TEK: variants seen among roughly 807,000 people sequenced by gnomAD.
TEK encodes the protein TEK receptor tyrosine kinase.
A neutral mutation model predicts 131.8 loss-of-function variants in TEK; 43 were observed. That is an observed-to-expected ratio of 0.33 (90% confidence interval 0.26 to 0.42). TEK has a LOEUF of 0.42. TEK is among the 10% of genes least tolerant of loss of function. The probability of loss-of-function intolerance (pLI) is 1.00; values close to 1 mark genes in which losing one functional copy is unlikely to be tolerated. For missense variants in TEK, 1,162 were observed against 1,384.4 expected (o/e 0.84, Z 2.55); for synonymous variants, 580 against 491.6 (o/e 1.18, Z -2.38).
At chr9:27,168,353 T>A (rs371417352) in intron 2 of TEK, 142 bp from the exon 3 acceptor site, 31 of 692,016 alleles carry the variant, frequency 4.5e-5, no homozygotes, top group East Asian at 3.8e-4. Flanking sequence ...TAAAACGCAT[T>A]AGCCACCACT....
chr9:27,190,540 C>A lies in TEK; in HGVS notation c.1339C>A (p.Pro447Thr). Residue 447 changes from proline to threonine, a missense_variant, in exon 10 of 23, where the codon CCC becomes ACC. This residue lies in a region of TEK where 477 missense variants were observed against 471.0 expected (regional missense o/e 1.01). Coordinates refer to ENST00000380036, the MANE Select transcript of TEK (RefSeq NM_000459.5). ...FNISVKVLPK[P>T]LNAPNVIDTG... Reference sequence around the variant, plus strand: ...GAAATTGTATTTAGTTCTTCCAAAGCCCCTGAATGCCCCAAACGTGATTGA... The same window carrying A: ...GAAATTGTATTTAGTTCTTCCAAAGACCCTGAATGCCCCAAACGTGATTGA... The A allele has an allele frequency of 1.2e-6, 2 of 1,613,994 alleles. No homozygotes were observed. The highest frequency in any genetic ancestry group is 1.7e-6 in the Non-Finnish European group (2 of 1,179,900).
chr9:27,175,623 A>T (rs940282512), intron 6 of TEK, among the ~76,000 whole-genome samples: 8 of 151,728 alleles, frequency 5.3e-5, no homozygotes, highest in Non-Finnish European at 7.4e-5. Context: ...AAGTGTTCCT[A>T]TTTCTCCACA....
intron 1 of TEK, among the ~76,000 whole-genome samples, chr9:27,131,067 G>A (rs1347704540): frequency 1.3e-5 from 2 of 152,130 alleles, no homozygotes; most frequent in South Asian, 2.1e-4. Context: ...TCAAACTAGC[G>A]AAGATTAAAA....
intron 21 of TEK, among the ~76,000 whole-genome samples, chr9:27,222,363 C>G (rs891627902): frequency 1.3e-5 from 2 of 152,094 alleles, no homozygotes; most frequent in African/African-American, 4.8e-5. Flanking sequence ...ATACAGAGAC[C>G]ACCCCAAAGA....
rs139528007 is a variant in TEK, at chr9:27,190,397, C to A, written c.1328-132C>A. On this transcript the variant is annotated intron_variant, in intron 9 of 22. Coordinates refer to ENST00000380036, the MANE Select transcript of TEK (RefSeq NM_000459.5). ...GCAGAGAGCTTAGAGAGCAGGTGAT[C>A]TCACTGAGTCTGAGCAGAAAACTTT... 1.1e-3 allele frequency: 1,095 copies of A among 1,034,752 alleles called. 11 individuals are homozygous for A. In the African/African-American group the frequency reaches 0.015, roughly 15 times the overall value. The allele number at this position is 1,034,752 out of a possible 1,614,324, so 64.1% of individuals were successfully genotyped here.
chr9:27,147,865 G>C (rs1822983725), intron 1 of TEK, among the ~76,000 whole-genome samples: 1 of 152,212 alleles, frequency 6.6e-6, no homozygotes, highest in Non-Finnish European at 1.5e-5. Flanking sequence ...TTTGACGTGA[G>C]ATGGTGTAAT....
Position 27,185,511 on chromosome 9 carries a change from T to C in TEK, c.1209T>C (p.His403=), listed in dbSNP as rs767801474. ...LHPKDFNHTD[H]FSVAIFTIHR... ...CAAAAGACTTTAACCATACGGATCA[T>C]TTCTCAGTAGCCATATTCACCATCC... Residue 403 remains histidine (H), a synonymous_variant, in exon 9 of 23, where the codon CAT becomes CAC. Transcript: ENST00000380036. 1 of 1,613,714 alleles carries C rather than the reference T, an allele frequency of 6.2e-7. No individual in the cohort carries two copies. The highest frequency in any genetic ancestry group is 8.5e-7 in the Non-Finnish European group (1 of 1,179,756).
Position 27,185,008 on chromosome 9 carries a change from C to G in TEK, c.1183-477C>G, listed in dbSNP as rs1455725119. 1.4e-4 allele frequency among the ~76,000 whole-genome samples: 21 copies of G among 151,714 alleles called. No individual in the cohort carries two copies. The Admixed American group carries it at 1.4e-3, about 10-fold the overall frequency. On this transcript the variant is annotated intron_variant, in intron 8 of 22. Transcript: ENST00000380036. ...CTATGATCACTCAACTGCACTCCAGCCTGAGCCAAGGAACAAGACTTTGTT... is the reference window on the plus strand; with the variant it reads ...CTATGATCACTCAACTGCACTCCAGGCTGAGCCAAGGAACAAGACTTTGTT...
At chr9:27,152,641 G>A (rs1183284327) in intron 1 of TEK, among the ~76,000 whole-genome samples, 1 of 150,618 alleles carries the variant, frequency 6.6e-6, no homozygotes, top group Non-Finnish European at 1.5e-5. Flanking sequence ...AGCTCACTGG[G>A]AGTGGGTGAG....
At chr9:27,203,653 T>C (rs932601726) in intron 13 of TEK, among the ~76,000 whole-genome samples, 11 of 152,196 alleles carry the variant, frequency 7.2e-5, no homozygotes, top group East Asian at 1.9e-4. Flanking sequence ...CCATTTGTGA[T>C]TGATAAAGTC....
chr9:27,218,933 G>A, intron 20 of TEK, 116 bp downstream of exon 20: 1 of 1,042,858 alleles, frequency 9.6e-7, no homozygotes, highest in Admixed American at 1.8e-5. Context: ...TCTACCAGAT[G>A]TGACTTGGAA....
intron 2 of TEK, among the ~76,000 whole-genome samples, chr9:27,160,899 A>AT (rs1214538882): frequency 2.0e-5 from 3 of 152,050 alleles, no homozygotes; most frequent in African/African-American, 7.2e-5. Context: ...CAGCTCTATT[A>AT]TTTTTCACAT....
chr9:27,111,305 C>T (rs1821335850), intron 1 of TEK, among the ~76,000 whole-genome samples: 1 of 152,142 alleles, frequency 6.6e-6, no homozygotes, highest in African/African-American at 2.4e-5. Flanking sequence ...GGTCTGTTGT[C>T]TTGATCGTAG....
At chr9:27,121,317 A>T (rs992514979) in intron 1 of TEK, among the ~76,000 whole-genome samples, 1 of 152,038 alleles carries the variant, frequency 6.6e-6, no homozygotes, top group Non-Finnish European at 1.5e-5. Context: ...CAAGAGTGAA[A>T]CTCTGTCTCA....
In TEK at chr9:27,190,510, C is replaced by CTTCTGAATTTGTAT; in HGVS notation, c.1328-12_1328-11insTTTGTATTTCTGAA. The CTTCTGAATTTGTAT allele has an allele frequency of 6.2e-7, 1 of 1,613,834 alleles. No individual in the cohort carries two copies. The highest frequency in any genetic ancestry group is 8.5e-7 in the Non-Finnish European group (1 of 1,179,784). ...CCTCAAAGCCGAAGGACTAATCTGC[C>CTTCTGAATTTGTAT]TTCTGAAATTGTATTTAGTTCTTCC... On this transcript the variant is annotated intron_variant, in intron 9 of 22. Coordinates refer to ENST00000380036, the MANE Select transcript of TEK (RefSeq NM_000459.5).
chr9:27,112,274 T>C (rs1432174904), intron 1 of TEK, among the ~76,000 whole-genome samples: 1 of 152,000 alleles, frequency 6.6e-6, no homozygotes, highest in African/African-American at 2.4e-5. Flanking sequence ...GAGGAAACAG[T>C]TGTAAGGTCA....
At chr9:27,207,245 G>A (rs1273026425) in intron 15 of TEK, among the ~76,000 whole-genome samples, 1 of 152,160 alleles carries the variant, frequency 6.6e-6, no homozygotes, top group African/African-American at 2.4e-5. Context: ...TGGGTTTGGG[G>A]ACCACATTTT....
In TEK at chr9:27,209,975, C is replaced by T. The variant is rs183773174; in HGVS notation, c.2686+744C>T. Reference sequence around the variant, plus strand: ...TTCACTTCTCGTGGAAAAGTTTGCTCCCACAAAAAGCTCCATGCAGTAATT... The same window carrying T: ...TTCACTTCTCGTGGAAAAGTTTGCTTCCACAAAAAGCTCCATGCAGTAATT... On this transcript the variant is annotated intron_variant, in intron 16 of 22. Transcript: ENST00000380036. Among the ~76,000 whole-genome samples the T allele has an allele frequency of 2.7e-3, 415 of 152,246 alleles. 1 individual carries two copies. The highest frequency in any genetic ancestry group is 9.8e-3 in the African/African-American group (407 of 41,526).
At chr9:27,130,776 C>T (rs1015963872) in intron 1 of TEK, among the ~76,000 whole-genome samples, 1 of 152,044 alleles carries the variant, frequency 6.6e-6, no homozygotes, top group African/African-American at 2.4e-5. Flanking sequence ...GGGATTTCAA[C>T]ATGTTGATCA....
Sources: gnomAD v4.1 joint callset for allele counts (sites outside exome capture counted in the v4.1 genomes callset) on GRCh38, gnomAD v4.1.1 for gene constraint, gnomAD v4.1.1 regional missense constraint, MANE v1.5 for transcripts, NCBI Gene and HGNC (gene_info 2026-07-23, HGNC 2026-07-21) for gene names.